Variants in POLDIP3 observed in about 807,000 individuals in gnomAD.
POLDIP3 encodes the protein DNA polymerase delta interacting protein 3.
Under a neutral mutation model 45.1 loss-of-function variants are expected in POLDIP3, and 14 were observed. The observed-to-expected ratio is 0.31, with a 90% CI of 0.20 to 0.49. The LOEUF (loss-of-function observed/expected upper bound fraction) is 0.49, where lower values mean the gene tolerates loss of function less well. Ranked by LOEUF, POLDIP3 falls within the 20% of genes least tolerant of loss-of-function variation. The probability of loss-of-function intolerance (pLI) is 0.99; values close to 1 mark genes in which losing one functional copy is unlikely to be tolerated. For synonymous variants in POLDIP3, 223 were observed against 205.2 expected, an observed-to-expected ratio of 1.09 and a Z score of -0.74; for missense variants, 511 against 538.8, an observed-to-expected ratio of 0.95 and a Z score of 0.51.
At position 42,609,740 on chromosome 22, in the gene POLDIP3, G is replaced by A. The variant is rs1380867502; in HGVS notation, c.59+5059C>T. ...CGTCTTATAAAAACAAACAAAAAAA[G>A]CTTCTGGGTTAGGGGGTGTTCGTTT... On this transcript the variant is annotated intron_variant, in intron 1 of 8. Coordinates refer to ENST00000252115, the MANE Select transcript of POLDIP3 (RefSeq NM_032311.5). 2.0e-5 allele frequency among the ~76,000 whole-genome samples: 3 copies of A among 151,704 alleles called. No homozygotes were observed. In the East Asian group the frequency reaches 5.9e-4, roughly 30 times the overall value.
chr22:42,605,227 A>G (rs902288904), intron 1 of POLDIP3, among the ~76,000 whole-genome samples: 37 of 152,360 alleles, frequency 2.4e-4, no homozygotes, highest in African/African-American at 8.4e-4. Context: ...TCCCGGGTTC[A>G]TGCCATTCTC....
chr22:42,590,692 ACTTAT>A (rs1201127679), intron 7 of POLDIP3, among the ~76,000 whole-genome samples: 7 of 152,352 alleles, frequency 4.6e-5, no homozygotes, highest in Admixed American at 3.9e-4. Flanking sequence ...TTGGTAAATC[ACTTAT>A]CTGATAAGGG....
In POLDIP3 at chr22:42,592,007, T is replaced by C. The variant is rs1387685276; in HGVS notation, c.969A>G (p.Lys323=). Reference sequence around the variant, plus strand: ...TATATGCGGTGATGGCATCGTCCTTTTTCACAAACACCACCTCCGCTACCC... The same window carrying C: ...TATATGCGGTGATGGCATCGTCCTTCTTCACAAACACCACCTCCGCTACCC... ...HPGVAEVVFV[K]KDDAITAYKK... Residue 323 remains lysine, a synonymous_variant, in exon 7 of 9, where the codon AAA becomes AAG. Coordinates refer to ENST00000252115, the MANE Select transcript of POLDIP3 (RefSeq NM_032311.5). The C allele has an allele frequency of 1.2e-6, 2 of 1,614,188 alleles. No individual in the cohort carries two copies. The highest frequency in any genetic ancestry group is 1.7e-6 in the Non-Finnish European group (2 of 1,180,030).
chr22:42,613,480 G>A (rs1569308197), intron 1 of POLDIP3, among the ~76,000 whole-genome samples: 1 of 152,186 alleles, frequency 6.6e-6, no homozygotes, highest in Non-Finnish European at 1.5e-5. Context: ...CTGCGGAATG[G>A]CCGGGCCGGT....
chr22:42,602,830 G>C lies in POLDIP3; in HGVS notation c.390C>G (p.Ala130=). The change falls in exon 2 of 9, where the codon GCC becomes GCG. Residue 130 remains alanine, a synonymous_variant. Coordinates refer to ENST00000252115, the MANE Select transcript of POLDIP3 (RefSeq NM_032311.5). The stretch of plus-strand genomic sequence containing the variant: ...CTGTCCCAATGGGTGGGTTTATGAA[G>C]GCAGCAGGGGAACTCCTCTTCAAGC... ...KISLKRSSPA[A]FINPPIGTVT... 1.2e-6 allele frequency: 2 copies of C among 1,612,426 alleles called. No individual in the cohort carries two copies. Among genetic ancestry groups the C allele is most frequent in the Non-Finnish European group, 1.7e-6 (2 of 1,180,030 alleles).
Position 42,585,312 on chromosome 22 carries a change from C to T in POLDIP3, c.*479G>A, listed in dbSNP as rs773522517. On this transcript the variant is annotated 3_prime_UTR_variant, in exon 9 of 9. Transcript: ENST00000252115. ...ACAGAGGAGCGGCACAGCTCTCAGG[C>T]CGACCTGGCTCCCGTCAGGACACCA... is the stretch of plus-strand genomic sequence containing the variant. 2.0e-6 allele frequency: 1 copy of T among 503,850 alleles called. No individual in the cohort carries two copies. The highest frequency in any genetic ancestry group is 2.0e-5 in the Admixed American group (1 of 49,512). 31.2% of individuals were successfully genotyped at this position (503,850 alleles called of 1,614,324 possible). A position where few individuals can be genotyped will look rare whatever the true frequency, so the allele number is the denominator to read the frequency against.
chr22:42,599,557 T>C (rs539916125), intron 4 of POLDIP3, 141 bp downstream of exon 4: 53 of 676,312 alleles, frequency 7.8e-5, no homozygotes, highest in Middle Eastern at 2.4e-4. Flanking sequence ...TGAGCCAAGA[T>C]TGCGCCATTG....
rs540150641 is a variant in POLDIP3, at chr22:42,588,695, C to A, written c.1022-1123G>T. On this transcript the variant is annotated intron_variant, in intron 7 of 8. Coordinates refer to ENST00000252115, the MANE Select transcript of POLDIP3 (RefSeq NM_032311.5). ...CCAGGCTGGAGGGCAATGGTGCGAT[C>A]TCGGCTCACGGCAACCTCCGCCTCC... Among the ~76,000 whole-genome samples the A allele has an allele frequency of 5.5e-4, 81 of 147,820 alleles. 1 individual carries two copies. The highest frequency in any genetic ancestry group is 1.7e-3 in the African/African-American group (69 of 40,070).
intron 3 of POLDIP3, among the ~76,000 whole-genome samples, chr22:42,600,708 G>A (rs1330493252): frequency 6.6e-6 from 1 of 151,842 alleles, no homozygotes; most frequent in Non-Finnish European, 1.5e-5. Context: ...AGTGGCTCAC[G>A]CCTGTAATCC....
rs113485417 is a variant in POLDIP3, at chr22:42,601,379, C to CA, written c.537+590dup. Among the ~76,000 whole-genome samples the CA allele has an allele frequency of 5.9e-3, 713 of 120,208 alleles. 9 individuals carry two copies. The highest frequency in any genetic ancestry group is 0.019 in the African/African-American group (623 of 32,710). The allele number at this position is 120,208 out of a possible 152,430, so 78.9% of individuals were successfully genotyped here. ...AAGGAAAAAAAAACAAAACAAAAGACAAAAAAAAAAAAAGCGTAAAAAAAT... is the reference window on the plus strand; with the variant it reads ...AAGGAAAAAAAAACAAAACAAAAGACAAAAAAAAAAAAAAGCGTAAAAAAAT... On this transcript the variant is annotated intron_variant, in intron 3 of 8. Coordinates refer to ENST00000252115, the MANE Select transcript of POLDIP3 (RefSeq NM_032311.5).
chr22:42,603,422 A>T (rs532796400), intron 1 of POLDIP3, among the ~76,000 whole-genome samples: 1 of 152,156 alleles, frequency 6.6e-6, no homozygotes, highest in Non-Finnish European at 1.5e-5. Flanking sequence ...TTTGCTTCCT[A>T]GACCACGTGT....
Sources: gnomAD v4.1 joint callset for allele counts (sites outside exome capture counted in the v4.1 genomes callset) on GRCh38, gnomAD v4.1.1 for gene constraint, MANE v1.5 for transcripts, NCBI Gene and HGNC (gene_info 2026-07-23, HGNC 2026-07-21) for gene names.